Variants in ASIC1 observed in about 807,000 individuals in gnomAD.
ASIC1 encodes acid-sensing ion channel 1.
A neutral mutation model predicts 63.4 loss-of-function variants in ASIC1; 21 were observed. The ratio of observed to expected loss-of-function variants is 0.33; its 90% CI spans 0.23 to 0.48. The LOEUF (loss-of-function observed/expected upper bound fraction) is 0.48, where lower values mean the gene tolerates loss of function less well. ASIC1 is among the 20% of genes least tolerant of loss of function. The pLI, the probability that ASIC1 is intolerant of heterozygous loss-of-function variation, is 0.99. For missense variants in ASIC1, 478 were observed against 695.5 expected (o/e 0.69, Z 3.52); for synonymous variants, 258 against 278.2 (o/e 0.93, Z 0.72).
chr12:50,064,620 C>T (rs1950529871), intron 3 of ASIC1, among the ~76,000 whole-genome samples: 2 of 152,256 alleles, frequency 1.3e-5, no homozygotes, highest in Non-Finnish European at 2.9e-5. Flanking sequence ...AGTCTTGGGA[C>T]TTTGTCACTG....
In ASIC1 at chr12:50,077,370, C is replaced by T. The variant is rs372775349; in HGVS notation, c.709+7C>T. The stretch of plus-strand genomic sequence containing the variant: ...CCTGTGTGGGGGGAGACTGGTACGT[C>T]ACCCACTTCAGGGGCCCCTCTGCAT... On this transcript the variant is annotated splice_region_variant and intron_variant, in intron 4 of 11. Coordinates refer to ENST00000447966, the MANE Select transcript of ASIC1 (RefSeq NM_001095.4). The T allele has an allele frequency of 6.2e-7, 1 of 1,614,068 alleles. No homozygotes were observed.
In ASIC1 at chr12:50,081,819, C is replaced by T. The variant is rs1027342555; in HGVS notation, c.*170C>T. The stretch of plus-strand genomic sequence containing the variant: ...TGACCATAGAGTCCTCTCTCTGCCT[C>T]TATCCCATTCTTTTTACATTTAACA... On this transcript the variant is annotated 3_prime_UTR_variant, in exon 12 of 12. Transcript: ENST00000447966. 2 of 609,652 alleles carry T rather than the reference C, an allele frequency of 3.3e-6. No individual in the cohort carries two copies. The highest frequency in any genetic ancestry group is 5.7e-6 in the Non-Finnish European group (2 of 348,932). The allele number at this position is 609,652 out of a possible 1,614,324, so 37.8% of individuals were successfully genotyped here.
At chr12:50,071,065 C>T (rs1950594350) in intron 3 of ASIC1, among the ~76,000 whole-genome samples, 1 of 152,102 alleles carries the variant, frequency 6.6e-6, no homozygotes, top group Non-Finnish European at 1.5e-5. Context: ...TAGTCTATTC[C>T]CTGGGTGGGC....
chr12:50,079,021 GGTGCTGCCAGCCAC>G (rs1410624674), intron 7 of ASIC1, 41 bp downstream of exon 7: 1 of 1,595,400 alleles, frequency 6.3e-7, no homozygotes, highest in African/African-American at 1.3e-5. Context: ...GGAGGGAAAA[GGTGCTGCCAGCCAC>G]GTGCGCAGGA....
intron 3 of ASIC1, among the ~76,000 whole-genome samples, chr12:50,070,176 G>T (rs1291374157): frequency 1.3e-5 from 2 of 152,202 alleles, no homozygotes; most frequent in African/African-American, 4.8e-5. Flanking sequence ...TCAGGACTGA[G>T]TGCAGCTCTG....
At chr12:50,071,412 G>A (rs1592272946) in intron 3 of ASIC1, among the ~76,000 whole-genome samples, 3 of 151,146 alleles carry the variant, frequency 2.0e-5, no homozygotes, top group Admixed American at 6.6e-5. Context: ...GACCACAGGC[G>A]CCTGCCAGCA....
intron 3 of ASIC1, among the ~76,000 whole-genome samples, chr12:50,067,492 C>A (rs753458953): frequency 5.3e-5 from 8 of 151,342 alleles, no homozygotes; most frequent in Admixed American, 5.3e-4. Flanking sequence ...TCACTGCAAC[C>A]TCCGCCTCCT....
At position 50,075,049 on chromosome 12, in the gene ASIC1, G is replaced by A. The variant is rs574234452; in HGVS notation, c.559-2164G>A. Among the ~76,000 whole-genome samples the A allele has an allele frequency of 9.2e-5, 14 of 152,026 alleles. 1 individual carries two copies. In the South Asian group the frequency reaches 2.1e-3, roughly 23 times the overall value. On this transcript the variant is annotated intron_variant, in intron 3 of 11. Transcript: ENST00000447966. ...CCAGGGGTCCAGGGCTTTCCCTGCT[G>A]GGGGGCCACCTGGTACCCCACTGTC...
chr12:50,080,167 G>A (rs1950700611), intron 8 of ASIC1, 112 bp downstream of exon 8: 10 of 1,429,056 alleles, frequency 7.0e-6, no homozygotes, highest in African/African-American at 1.4e-5. Context: ...AGATAACACG[G>A]GGAAGGTCCA....
chr12:50,064,903 G>A (rs868132673), intron 3 of ASIC1, among the ~76,000 whole-genome samples: 1 of 152,158 alleles, frequency 6.6e-6, no homozygotes, highest in African/African-American at 2.4e-5. Flanking sequence ...CAGGTCCTGC[G>A]CTGGGGCAGT....
In ASIC1 at chr12:50,082,108, G is replaced by A. The variant is rs1950727155; in HGVS notation, c.*459G>A. ...GGGGAGGGCTAGTGTGGGGGAGGGA[G>A]GCTTCCCCAGCCTTAAGAGACCCTC... On this transcript the variant is annotated 3_prime_UTR_variant, in exon 12 of 12. Transcript: ENST00000447966. The A allele has an allele frequency of 6.0e-6, 1 of 167,064 alleles. No individual in the cohort carries two copies. The highest frequency in any genetic ancestry group is 1.3e-5 in the Non-Finnish European group (1 of 77,344). 10.3% of individuals were successfully genotyped at this position (167,064 alleles called of 1,614,324 possible).
chr12:50,063,251 G>A (rs899789355), intron 3 of ASIC1, among the ~76,000 whole-genome samples: 2 of 152,224 alleles, frequency 1.3e-5, no homozygotes, highest in Non-Finnish European at 1.5e-5. Context: ...GGCCAGAGAA[G>A]TGAGCACAGT....
intron 3 of ASIC1, among the ~76,000 whole-genome samples, chr12:50,075,072 G>A (rs1037007832): frequency 5.3e-5 from 8 of 152,040 alleles, no homozygotes; most frequent in African/African-American, 1.7e-4. Context: ...GTACCCCACT[G>A]TCTCTCCTAA....
At chr12:50,071,421 C>T (rs1237100527) in intron 3 of ASIC1, among the ~76,000 whole-genome samples, 11 of 151,380 alleles carry the variant, frequency 7.3e-5, no homozygotes, top group Admixed American at 6.6e-5. Flanking sequence ...CGCCTGCCAG[C>T]ACACCTGGCT....
At chr12:50,077,516 T>C (rs916149739) in intron 4 of ASIC1, among the ~76,000 whole-genome samples, 153 bp downstream of exon 4, 8 of 152,132 alleles carry the variant, frequency 5.3e-5, no homozygotes, top group African/African-American at 1.7e-4. Context: ...TCTACCTGAC[T>C]TCCACACTCA....
At chr12:50,076,990 A>G (rs759926652) in intron 3 of ASIC1, 15 of 723,828 alleles carry the variant, frequency 2.1e-5, no homozygotes, top group Middle Eastern at 2.3e-4. Context: ...GTGGCAAAGG[A>G]GCTCAGGCGA....
Position 50,078,814 on chromosome 12 carries a change from T to G in ASIC1, c.995-110T>G, listed in dbSNP as rs1950685465. The G allele has an allele frequency of 7.2e-7, 1 of 1,385,696 alleles. No individual in the cohort carries two copies. The highest frequency in any genetic ancestry group is 1.2e-5 in the South Asian group (1 of 85,874). 85.8% of individuals were successfully genotyped at this position (1,385,696 alleles called of 1,614,324 possible). A position where few individuals can be genotyped will look rare whatever the true frequency, so the allele number is the denominator to read the frequency against. ...CTGGGGCAGCATGGGGGCCTGCCAG[T>G]CCTCCCTTCCCATCTTCTCCCAGCT... is the stretch of plus-strand genomic sequence containing the variant. On this transcript the variant is annotated intron_variant, in intron 6 of 11. Coordinates refer to ENST00000447966, the MANE Select transcript of ASIC1 (RefSeq NM_001095.4). This position sits in a 1 kb window ranked among gnomAD's most constrained non-coding sequence, Gnocchi z 6.0.
At chr12:50,069,425 C>T (rs944735692) in intron 3 of ASIC1, among the ~76,000 whole-genome samples, 5 of 152,118 alleles carry the variant, frequency 3.3e-5, no homozygotes, top group Non-Finnish European at 7.4e-5. Flanking sequence ...TCCCAAGTAG[C>T]TGAGATTACA....
rs748906702 is a variant in ASIC1, at chr12:50,078,483, T to A, written c.900T>A (p.Asp300Glu). Residue 300 changes from aspartate (D) to glutamate (E), a missense_variant, in exon 6 of 12, where the codon GAT becomes GAA. Physicochemically the swap from Asp to Glu is conservative, Grantham distance 45. Coordinates refer to ENST00000447966, the MANE Select transcript of ASIC1 (RefSeq NM_001095.4). This position sits in a 1 kb window ranked among gnomAD's most constrained non-coding sequence, Gnocchi z 6.0. ...CKAVTMDSDLDFFDSYSITAC... is the reference protein window; with the variant it reads ...CKAVTMDSDLEFFDSYSITAC... ...CTGTTACCATGGACTCGGATTTGGA[T>A]TTCTTCGACTCCTACAGCATCACTG... 1 of 1,613,928 alleles carries A rather than the reference T, an allele frequency of 6.2e-7. No homozygotes were observed. The highest frequency in any genetic ancestry group is 1.3e-5 in the African/African-American group (1 of 74,882).
Sources: gnomAD v4.1 joint callset for allele counts (sites outside exome capture counted in the v4.1 genomes callset) on GRCh38, gnomAD v4.1.1 for gene constraint, Gnocchi (gnomAD v3.1) non-coding constraint, MANE v1.5 for transcripts, NCBI Gene and HGNC (gene_info 2026-07-23, HGNC 2026-07-21) for gene names.